FBXO43: variants seen among roughly 807,000 people sequenced by gnomAD.
The protein encoded by FBXO43 is F-box only protein 43.
In FBXO43, 22 loss-of-function variants were observed where a neutral mutation model predicts 56.7. The ratio of observed to expected loss-of-function variants is 0.39; its 90% CI spans 0.28 to 0.55. The LOEUF (loss-of-function observed/expected upper bound fraction) is 0.55. Ranked by LOEUF, FBXO43 falls within the 20% of genes least tolerant of loss-of-function variation. The probability of loss-of-function intolerance (pLI) is 0.66; values close to 1 mark genes in which losing one functional copy is unlikely to be tolerated. For missense variants in FBXO43, 733 were observed against 814.9 expected (o/e 0.90, Z 1.22); for synonymous variants, 306 against 294.5 (o/e 1.04, Z -0.40).
At chr8:100,150,003 T>C (rs935456500), upstream of FBXO43, among the ~76,000 whole-genome samples, 2 of 152,124 alleles carry the variant, frequency 1.3e-5, no homozygotes, top group African/African-American at 4.8e-5. Flanking sequence ...GTGGAATACA[T>C]AGAACGGAGG....
rs1814787268 is a variant in FBXO43, at chr8:100,145,089, T to C, written c.47A>G (p.Tyr16Cys). 6.2e-7 allele frequency: 1 copy of C among 1,612,454 alleles called. No individual in the cohort carries two copies. Among genetic ancestry groups the C allele is most frequent in the South Asian group, 1.1e-5 (1 of 90,914 alleles). Residue 16 changes from tyrosine to cysteine, a missense_variant, in exon 1 of 5, where the codon TAC becomes TGC. Coordinates refer to ENST00000428847, the MANE Select transcript of FBXO43 (RefSeq NM_001029860.4). Reference sequence around the variant, plus strand: ...TGAGCTCTTAGATGTCAAAGTTACGTAGGCTTCCAAACAAGAAATTCTCTC... The same window carrying C: ...TGAGCTCTTAGATGTCAAAGTTACGCAGGCTTCCAAACAAGAAATTCTCTC... The part of the protein sequence containing the change: ...KDERISCLEA[Y>C]VTLTSKSSRF...
intron 1 of FBXO43, among the ~76,000 whole-genome samples, chr8:100,144,110 G>A (rs1487659131): frequency 6.6e-6 from 1 of 152,182 alleles, no homozygotes; most frequent in Non-Finnish European, 1.5e-5. Flanking sequence ...CAATTGTACT[G>A]CTACTTCACC....
chr8:100,144,876 G>C (rs1258139671), intron 1 of FBXO43, 175 bp downstream of exon 1: 2 of 600,478 alleles, frequency 3.3e-6, no homozygotes, highest in African/African-American at 2.0e-5. Context: ...AGCTTGCAGT[G>C]AGCCGAGATC....
In FBXO43 at chr8:100,134,133, A is replaced by G. The variant is rs761933447; in HGVS notation, c.1878+28T>C. On this transcript the variant is annotated intron_variant, in intron 4 of 4. Transcript: ENST00000428847. Reference sequence around the variant, plus strand: ...TCAAACTCTGTAAATATTTATTTCTAATAACTTATGACATAATAAATACTT... The same window carrying G: ...TCAAACTCTGTAAATATTTATTTCTGATAACTTATGACATAATAAATACTT... 4 of 1,603,034 alleles carry G rather than the reference A, an allele frequency of 2.5e-6. No homozygotes were observed. The South Asian group carries it at 4.5e-5, about 18-fold the overall frequency.
chr8:100,139,234 A>G (rs1251491291), intron 2 of FBXO43, among the ~76,000 whole-genome samples: 1 of 152,144 alleles, frequency 6.6e-6, no homozygotes, highest in Non-Finnish European at 1.5e-5. Context: ...GTTCTCTATA[A>G]TAGACATACA....
rs930668107 is a variant in FBXO43, at chr8:100,142,317, A to G, written c.86-149T>C. 5 of 653,340 alleles carry G rather than the reference A, an allele frequency of 7.7e-6. No individual in the cohort carries two copies. The Admixed American group carries it at 1.5e-4, about 20-fold the overall frequency. The allele number at this position is 653,340 out of a possible 1,614,324, so 40.5% of individuals were successfully genotyped here. A position where few individuals can be genotyped will look rare whatever the true frequency, so the allele number is the denominator to read the frequency against. ...TACTTTAAAAAAACAATTCTACCCC[A>G]TAAGAAACTGATGTGTATCCTACTT... On this transcript the variant is annotated intron_variant, in intron 1 of 4. Transcript: ENST00000428847.
At chr8:100,140,150 A>G (rs898834616) in intron 2 of FBXO43, among the ~76,000 whole-genome samples, 2 of 152,220 alleles carry the variant, frequency 1.3e-5, no homozygotes, top group African/African-American at 2.4e-5. Context: ...AAAAAAGACT[A>G]TATTATTGCT....
upstream of FBXO43, among the ~76,000 whole-genome samples, chr8:100,147,853 T>A (rs1167792462): frequency 6.6e-6 from 1 of 152,186 alleles, no homozygotes; most frequent in African/African-American, 2.4e-5. Flanking sequence ...CTGTAAAGAA[T>A]TAATGAATTA....
In FBXO43 at chr8:100,141,658, C is replaced by G; in HGVS notation, c.596G>C (p.Arg199Thr). 2 of 1,612,970 alleles carry G rather than the reference C, an allele frequency of 1.2e-6. No individual in the cohort carries two copies. ...NIPSSASGFSRANNFSPLVTS... is the reference protein window; with the variant it reads ...NIPSSASGFSTANNFSPLVTS... ...AACTAAAGGGCTAAAATTATTTGCC[C>G]TGGAAAAACCTGAAGCACTGCTTGG... The change falls in exon 2 of 5, where the codon AGG becomes ACG. Residue 199 changes from arginine (R) to threonine (T), a missense_variant. Transcript: ENST00000428847.
chr8:100,142,171 G>A lies in FBXO43; in HGVS notation c.86-3C>T. On this transcript the variant is annotated splice_region_variant and splice_polypyrimidine_tract_variant and intron_variant, in intron 1 of 4. Transcript: ENST00000428847. ...CGACATCTTCAAAATCTCTGTTTCT[G>A]CAAAGTGACAACAAAGTTATTCTGC... 6.5e-7 allele frequency: 1 copy of A among 1,534,904 alleles called. No homozygotes were observed. Among genetic ancestry groups the A allele is most frequent in the Non-Finnish European group, 8.7e-7 (1 of 1,144,848 alleles).
rs201866027 is a variant in FBXO43, at chr8:100,137,581, A to C, written c.1658T>G (p.Leu553Arg). Residue 553 changes from leucine to arginine, a missense_variant, in exon 3 of 5, where the codon CTG becomes CGG. Physicochemically the swap from Leu to Arg is moderately radical, Grantham distance 102. Coordinates refer to ENST00000428847, the MANE Select transcript of FBXO43 (RefSeq NM_001029860.4). The stretch of plus-strand genomic sequence containing the variant: ...ATACATTACCTCAGAATCTGTTTTC[A>C]GTTGTGTGATATAAAATTTCCTCCT... Reference protein sequence around the residue: ...NRRRKFYITQLKTDSEGAVLN... With the variant: ...NRRRKFYITQRKTDSEGAVLN... The C allele has an allele frequency of 3.7e-5, 59 of 1,608,130 alleles. No homozygotes were observed. The African/African-American group carries it at 7.3e-4, about 20-fold the overall frequency.
rs150764260 is a variant in FBXO43 at position 100,137,999 on chromosome 8, T to C, written c.1572-332A>G. 5.0e-3 allele frequency among the ~76,000 whole-genome samples: 767 copies of C among 152,304 alleles called. 6 individuals carry two copies. Among genetic ancestry groups the C allele is most frequent in the African/African-American group, 0.018 (733 of 41,576 alleles). ...AATTTGGAACAAGAGATGCAGGAAA[T>C]GATTGTCATCTATAACACAAGAGGT... On this transcript the variant is annotated intron_variant, in intron 2 of 4. Transcript: ENST00000428847.
Position 100,141,863 on chromosome 8 carries a change from G to A in FBXO43, c.391C>T (p.Pro131Ser). 1.3e-6 allele frequency: 2 copies of A among 1,589,534 alleles called. No homozygotes were observed. Among genetic ancestry groups the A allele is most frequent in the Non-Finnish European group, 1.7e-6 (2 of 1,173,300 alleles). ...GGGGTTTTATCCTTTTCCTTTCTAG[G>A]CAAGATACATTTCTTTTTTTGAGTG... ...SPTQKKKCILPRKEKDKTPEL... is the reference protein window; with the variant it reads ...SPTQKKKCILSRKEKDKTPEL... Residue 131 changes from proline (P) to serine (S), a missense_variant, in exon 2 of 5, where the codon CCT (proline) becomes TCT (serine). Transcript: ENST00000428847.
intron 1 of FBXO43, among the ~76,000 whole-genome samples, chr8:100,144,025 G>A (rs1451252661): frequency 1.3e-5 from 2 of 152,156 alleles, no homozygotes; most frequent in African/African-American, 2.4e-5. Context: ...ACCCAACCTT[G>A]GCCTCCCAAA....
intron 3 of FBXO43, chr8:100,136,991 T>C (rs911244861): frequency 5.9e-5 from 9 of 152,270 alleles, no homozygotes; most frequent in Non-Finnish European, 5.9e-5. Context: ...CAGCATATCA[T>C]TGGTATTCAA....
chr8:100,137,811 G>C lies in FBXO43; in HGVS notation c.1572-144C>G, dbSNP rs1814520782. 6.5e-6 allele frequency: 4 copies of C among 614,878 alleles called. No individual in the cohort carries two copies. The South Asian group carries it at 7.9e-5, about 12-fold the overall frequency. The allele number at this position is 614,878 out of a possible 1,614,324, so 38.1% of individuals were successfully genotyped here. On this transcript the variant is annotated intron_variant, in intron 2 of 4. Coordinates refer to ENST00000428847, the MANE Select transcript of FBXO43 (RefSeq NM_001029860.4). ...AAAAATTTACATAAAAATGTGACTTGGTCAACATTGTTATTTCATATTAAT... is the reference window on the plus strand; with the variant it reads ...AAAAATTTACATAAAAATGTGACTTCGTCAACATTGTTATTTCATATTAAT...
chr8:100,144,694 G>A (rs1188485202), intron 1 of FBXO43, among the ~76,000 whole-genome samples: 7 of 151,228 alleles, frequency 4.6e-5, no homozygotes, highest in African/African-American at 1.7e-4. Flanking sequence ...CACTTTGGGA[G>A]GCCGGGGCGG....
Position 100,142,146 on chromosome 8 carries a change from C to G in FBXO43, c.108G>C (p.Ser36=). 2.6e-6 allele frequency: 4 copies of G among 1,565,830 alleles called. No homozygotes were observed. Among genetic ancestry groups the G allele is most frequent in the Non-Finnish European group, 3.4e-6 (4 of 1,159,686 alleles). ...FTDETEILKM[S]QRHSGQAGTE... The stretch of plus-strand genomic sequence containing the variant: ...TGCCAGCTTGACCTGAGTGCCTTTG[C>G]GACATCTTCAAAATCTCTGTTTCTG... The change falls in exon 2 of 5, where the codon TCG becomes TCC. Residue 36 remains serine, a synonymous_variant. Coordinates refer to ENST00000428847, the MANE Select transcript of FBXO43 (RefSeq NM_001029860.4).
chr8:100,138,246 T>C (rs563358026), intron 2 of FBXO43, among the ~76,000 whole-genome samples: 76 of 152,366 alleles, frequency 5.0e-4, no homozygotes, highest in Middle Eastern at 6.8e-3. Context: ...TATCAATAAC[T>C]TTGATAATAT....
Sources: gnomAD v4.1 joint callset for allele counts (sites outside exome capture counted in the v4.1 genomes callset) on GRCh38, gnomAD v4.1.1 for gene constraint, MANE v1.5 for transcripts, NCBI Gene and HGNC (gene_info 2026-07-23, HGNC 2026-07-21) for gene names.